The following ABCA7 variants were observed in gnomAD, a reference collection of about 807,000 sequenced individuals.
The protein encoded by ABCA7 is phospholipid-transporting ATPase ABCA7.
ABCA7 carries 261 observed loss-of-function variants against 227.6 expected under a neutral mutation model. That is an observed-to-expected ratio of 1.15 (90% confidence interval 1.04 to 1.27). The LOEUF (loss-of-function observed/expected upper bound fraction) is 1.27, where lower values mean the gene tolerates loss of function less well. ABCA7 is among the 50% of genes most tolerant of loss of function. The pLI is 0.00. For synonymous variants in ABCA7, 1,488 were observed against 1,279.7 expected (o/e 1.16, Z -3.47); for missense variants, 3,331 against 2,924.5 (o/e 1.14, Z -3.21).
rs1044587341 is a variant in ABCA7, at chr19:1,056,630, G to C, written c.4586+131G>C. Reference sequence around the variant, plus strand: ...GCTTTATAAATGGGGGATAGAAACTGTTCCTCTGCTCCCTAAGCCAGGGAA... The same window carrying C: ...GCTTTATAAATGGGGGATAGAAACTCTTCCTCTGCTCCCTAAGCCAGGGAA... On this transcript the variant is annotated intron_variant, in intron 33 of 46. Coordinates refer to ENST00000263094, the MANE Select transcript of ABCA7 (RefSeq NM_019112.4). The surrounding 1 kb of genome is among the most constrained non-coding windows in gnomAD (Gnocchi z 4.3). 7.5e-5 allele frequency: 94 copies of C among 1,258,192 alleles called. 1 individual carries two copies. The East Asian group carries it at 2.4e-3, about 32-fold the overall frequency. The allele number at this position is 1,258,192 out of a possible 1,614,324, so 77.9% of individuals were successfully genotyped here. A position where few individuals can be genotyped will look rare whatever the true frequency, so the allele number is the denominator to read the frequency against.
In ABCA7 at chr19:1,056,170, G is replaced by A. The variant is rs138567176; in HGVS notation, c.4343G>A (p.Gly1448Asp). The A allele has an allele frequency of 6.4e-4, 1,025 of 1,608,808 alleles. 2 individuals carry two copies. Among genetic ancestry groups the A allele is most frequent in the South Asian group, 1.3e-3 (119 of 90,940 alleles). ...ELWALLSPLP[G>D]GALDRVLKNL... ...TGGGCGCTGCTGAGTCCCCTGCCTG[G>A]CGGGGCCCTCGACCGTGTCCTGAAA... The change falls in exon 32 of 47, where the codon GGC becomes GAC. Residue 1448 changes from glycine (G) to aspartate (D), a missense_variant. Transcript: ENST00000263094. This position sits in a 1 kb window ranked among gnomAD's most constrained non-coding sequence, Gnocchi z 4.3.
intron 23 of ABCA7, among the ~76,000 whole-genome samples, chr19:1,052,639 AG>A (rs1406100934): frequency 2.9e-5 from 1 of 34,548 alleles, no homozygotes. Flanking sequence ...GGGGAGGAGA[AG>A]GGGGAGAAGT....
In ABCA7 at chr19:1,051,034, A is replaced by G; in HGVS notation, c.2666A>G (p.Tyr889Cys). The G allele has an allele frequency of 6.2e-7, 1 of 1,611,700 alleles. No homozygotes were observed. Among genetic ancestry groups the G allele is most frequent in the Non-Finnish European group, 8.5e-7 (1 of 1,179,276 alleles). Reference protein sequence around the residue: ...IRPHLGVCPQYNVLFDMLTVD... With the variant: ...IRPHLGVCPQCNVLFDMLTVD... The stretch of plus-strand genomic sequence containing the variant: ...CCCCACCTGGGCGTCTGTCCTCAGT[A>G]CAACGTGCTGTTTGACATGTGCGTC... The change falls in exon 19 of 47, where the codon TAC becomes TGC. Residue 889 changes from tyrosine to cysteine, a missense_variant. Coordinates refer to ENST00000263094, the MANE Select transcript of ABCA7 (RefSeq NM_019112.4).
intron 21 of ABCA7, 132 bp downstream of exon 21, chr19:1,051,718 T>C: frequency 9.4e-7 from 1 of 1,060,836 alleles, no homozygotes; most frequent in East Asian, 2.6e-5. Context: ...ATTTAGGGGC[T>C]ACTGCTCAAA....
At position 1,041,856 on chromosome 19, in the gene ABCA7, A is replaced by G. The variant is rs998408745; in HGVS notation, c.186A>G (p.Pro62=). ...GCCACTTCCCAAACAAGCCACTGCCATCGGCGGGCACCGTGCCCTGGCTCC... is the reference window on the plus strand; with the variant it reads ...GCCACTTCCCAAACAAGCCACTGCCGTCGGCGGGCACCGTGCCCTGGCTCC... ...HECHFPNKPL[P]SAGTVPWLQG... Residue 62 remains proline, a synonymous_variant, in exon 4 of 47, where the codon CCA becomes CCG. Coordinates refer to ENST00000263094, the MANE Select transcript of ABCA7 (RefSeq NM_019112.4). 1.2e-6 allele frequency: 2 copies of G among 1,600,080 alleles called. No homozygotes were observed. Among genetic ancestry groups the G allele is most frequent in the East Asian group, 2.2e-5 (1 of 44,512 alleles).
In ABCA7 at chr19:1,054,824, C is replaced by T. The variant is rs775875189; in HGVS notation, c.3896C>T (p.Ala1299Val). 2.5e-6 allele frequency: 4 copies of T among 1,575,704 alleles called. No individual in the cohort carries two copies. The highest frequency in any genetic ancestry group is 1.9e-5 in the Admixed American group (1 of 53,656). ...GDPGRARLLE[A>V]LLQEAGLEEP... ...CCTGGACGTGCCCGGCTGCTCGAGG[C>T]GCTGCTGCAGGAGGCAGGACTGGAG... The change falls in exon 29 of 47, where the codon GCG (alanine) becomes GTG (valine). Residue 1299 changes from alanine (A) to valine (V), a missense_variant. Ala to Val is a moderately conservative substitution (Grantham distance 64). Coordinates refer to ENST00000263094, the MANE Select transcript of ABCA7 (RefSeq NM_019112.4). This position sits in a 1 kb window ranked among gnomAD's most constrained non-coding sequence, Gnocchi z 4.8.
intron 23 of ABCA7, among the ~76,000 whole-genome samples, chr19:1,052,701 G>GGGGAGGAGAAGGGGAGGAGT (rs1446293692): frequency 7.7e-6 from 1 of 129,638 alleles, no homozygotes; most frequent in Non-Finnish European, 1.7e-5. Flanking sequence ...GGGAGAGGAG[G>GGGGAGGAGAAGGGGAGGAGT]AGGAGGGAGA....
In ABCA7 at chr19:1,057,430, G is replaced by A. The variant is rs2042350620; in HGVS notation, c.4880+1G>A. 1.2e-6 allele frequency: 2 copies of A among 1,612,694 alleles called. No individual in the cohort carries two copies. The highest frequency in any genetic ancestry group is 1.7e-5 in the Admixed American group (1 of 59,986). On this transcript the variant is annotated splice_donor_variant, in intron 35 of 46. Transcript: ENST00000263094. LOFTEE classifies it high-confidence loss of function. ...TCCTGCTGTTGCTACTACTGTATGGGTGAGGCCCCCAGTCCCTCAGGGCCT... is the reference window on the plus strand; with the variant it reads ...TCCTGCTGTTGCTACTACTGTATGGATGAGGCCCCCAGTCCCTCAGGGCCT...
chr19:1,051,965 C>T lies in ABCA7; in HGVS notation c.2986C>T (p.His996Tyr), dbSNP rs574147376. Residue 996 changes from histidine (H) to tyrosine (Y), a missense_variant, in exon 22 of 47, where the codon CAC becomes TAC. His to Tyr is a moderately conservative substitution (Grantham distance 83). Coordinates refer to ENST00000263094, the MANE Select transcript of ABCA7 (RefSeq NM_019112.4). ...AGGTCGCACGCTGATCCTCTCCACCCACCACCTGGATGAGGCAGAGCTGCT... is the reference window on the plus strand; with the variant it reads ...AGGTCGCACGCTGATCCTCTCCACCTACCACCTGGATGAGGCAGAGCTGCT... ...REGRTLILST[H>Y]HLDEAELLGD... The T allele has an allele frequency of 3.2e-5, 51 of 1,612,048 alleles. No homozygotes were observed. In the African/African-American group the frequency reaches 4.3e-4, roughly 13 times the overall value.
In ABCA7 at chr19:1,054,965, C is replaced by T; in HGVS notation, c.3950+87C>T. The T allele has an allele frequency of 1.3e-6, 2 of 1,545,364 alleles. No individual in the cohort carries two copies. The highest frequency in any genetic ancestry group is 1.8e-6 in the Non-Finnish European group (2 of 1,140,590). ...CTGGCCAGGGAGCCTCAGGGGGCAC[C>T]TGGAGCATCCCCTGTGCCCACCTGG... On this transcript the variant is annotated intron_variant, in intron 29 of 46. Coordinates refer to ENST00000263094, the MANE Select transcript of ABCA7 (RefSeq NM_019112.4). The surrounding 1 kb of genome is among the most constrained non-coding windows in gnomAD (Gnocchi z 4.8).
chr19:1,041,751 T>C lies in ABCA7; in HGVS notation c.161-80T>C. 4 of 1,587,672 alleles carry C rather than the reference T, an allele frequency of 2.5e-6. No individual in the cohort carries two copies. In the Admixed American group the frequency reaches 5.3e-5, roughly 21 times the overall value. ...AGTGAGCTCTCCATCGCTGGAGGCATGCAAGCGGTGCCGGGCGACCCGATG... is the reference window on the plus strand; with the variant it reads ...AGTGAGCTCTCCATCGCTGGAGGCACGCAAGCGGTGCCGGGCGACCCGATG... On this transcript the variant is annotated intron_variant, in intron 3 of 46. Transcript: ENST00000263094.
chr19:1,063,486 G>T, intron 42 of ABCA7, 58 bp from the exon 43 acceptor site: 1 of 1,583,458 alleles, frequency 6.3e-7, no homozygotes, highest in South Asian at 1.1e-5. Flanking sequence ...CCACACTGTG[G>T]CCCTGCCCCA....
chr19:1,060,522 CT>C (rs546964567), intron 40 of ABCA7, among the ~76,000 whole-genome samples: 13,772 of 134,908 alleles, frequency 0.1, 948 homozygotes, highest in African/African-American at 0.22. Flanking sequence ...TTGTTTTTTT[CT>C]TTTTTTTTTT....
At chr19:1,042,229 C>T (rs1371543593) in intron 5 of ABCA7, 53 bp downstream of exon 5, 10 of 1,562,462 alleles carry the variant, frequency 6.4e-6, no homozygotes, top group African/African-American at 1.4e-5. Context: ...CTCAACTTGC[C>T]GGGCCGTGAA....
rs755914271 is a variant in ABCA7 at position 1,061,845 on chromosome 19, G to C, written c.5527G>C (p.Asp1843His). 6.2e-7 allele frequency: 1 copy of C among 1,606,278 alleles called. No homozygotes were observed. Residue 1843 changes from aspartate to histidine, a missense_variant, in exon 41 of 47, where the codon GAC becomes CAC. Physicochemically the swap from Asp to His is moderately conservative, Grantham distance 81. Coordinates refer to ENST00000263094, the MANE Select transcript of ABCA7 (RefSeq NM_019112.4). ...KTSTFRMVTG[D>H]TLASRGEAVL... The stretch of plus-strand genomic sequence containing the variant: ...GTCCACGTTTCGCATGGTGACGGGG[G>C]ACACATTGGCCAGCAGGGGCGAGGC...
chr19:1,058,159 T>C lies in ABCA7; in HGVS notation c.5039T>C (p.Val1680Ala). The change falls in exon 37 of 47, where the codon GTG (valine) becomes GCG (alanine). Residue 1680 changes from valine to alanine, a missense_variant. Val to Ala is a moderately conservative substitution (Grantham distance 64). Transcript: ENST00000263094. ...ACCCTTGAGCAGAAGCTGCAGGAGG[T>C]GAGCCGGATCTTGAAACAGGTCTTC... ...ELFSDQKLQE[V>A]SRILKQVFLI... 1 of 1,613,744 alleles carries C rather than the reference T, an allele frequency of 6.2e-7. No homozygotes were observed. The highest frequency in any genetic ancestry group is 8.5e-7 in the Non-Finnish European group (1 of 1,179,942).
At chr19:1,060,207 A>ATATATTTTTTTTTTTT in intron 40 of ABCA7, among the ~76,000 whole-genome samples, 1 of 96,770 alleles carries the variant, frequency 1.0e-5, no homozygotes, top group African/African-American at 3.5e-5. Flanking sequence ...ATATATATAT[A>ATATATTTTTTTTTTTT]TTTTTTTTTC....
intron 16 of ABCA7, among the ~76,000 whole-genome samples, chr19:1,048,496 C>CAAAAAAA (rs1234415864): frequency 9.2e-5 from 2 of 21,628 alleles, no homozygotes; most frequent in African/African-American, 1.9e-4. Flanking sequence ...AACTCAGTCT[C>CAAAAAAA]AAAAAAAAAA....
chr19:1,058,047 C>A lies in ABCA7; in HGVS notation c.5013C>A (p.Leu1671=). 1.2e-6 allele frequency: 2 copies of A among 1,614,160 alleles called. No individual in the cohort carries two copies. The highest frequency in any genetic ancestry group is 1.7e-6 in the Non-Finnish European group (2 of 1,180,038). The change falls in exon 36 of 47, where the codon CTC becomes CTA. Residue 1671 remains leucine (L), a synonymous_variant. Coordinates refer to ENST00000263094, the MANE Select transcript of ABCA7 (RefSeq NM_019112.4). The part of the protein sequence containing the change: ...NGSMATFVLE[L]FSDQKLQEVS... ...GCATGGCCACCTTTGTGCTTGAGCTCTTCTCTGATCAGGTGGGGCACCACG... is the reference window on the plus strand; with the variant it reads ...GCATGGCCACCTTTGTGCTTGAGCTATTCTCTGATCAGGTGGGGCACCACG...
Sources: gnomAD v4.1 joint callset for allele counts (sites outside exome capture counted in the v4.1 genomes callset) on GRCh38, gnomAD v4.1.1 for gene constraint, Gnocchi (gnomAD v3.1) non-coding constraint, MANE v1.5 for transcripts, NCBI Gene and HGNC (gene_info 2026-07-23, HGNC 2026-07-21) for gene names.